Variants in DENND5B observed in about 807,000 individuals in gnomAD.
The protein encoded by DENND5B is DENN domain-containing protein 5B.
In DENND5B, 34 loss-of-function variants were observed where a neutral mutation model predicts 140.6. The observed-to-expected ratio is 0.24, with a 90% CI of 0.18 to 0.32. The LOEUF (loss-of-function observed/expected upper bound fraction) is 0.32, where lower values mean the gene tolerates loss of function less well. Among genes scored for constraint, DENND5B ranks in the 10% least tolerant of loss-of-function variants. The pLI is 1.00. For synonymous variants in DENND5B, 551 were observed against 562.1 expected (o/e 0.98, Z 0.28); for missense variants, 1,142 against 1,560.2 (o/e 0.73, Z 4.52).
intron 1 of DENND5B, among the ~76,000 whole-genome samples, chr12:31,517,609 T>C (rs767222458): frequency 1.1e-4 from 17 of 152,212 alleles, no homozygotes; most frequent in Non-Finnish European, 1.6e-4. Context: ...ATTTGGACGT[T>C]AGTCTGTAAA....
chr12:31,419,891 T>G, intron 11 of DENND5B: 2 of 443,526 alleles, frequency 4.5e-6, no homozygotes, highest in Non-Finnish European at 2.9e-6. Context: ...GAGAATCGCT[T>G]GAACCCAGGA....
Position 31,583,882 on chromosome 12 carries a change from T to C in DENND5B, c.127+6824A>G, listed in dbSNP as rs115110992. 4.0e-3 allele frequency among the ~76,000 whole-genome samples: 609 copies of C among 152,226 alleles called. 4 individuals are homozygous for C. Among genetic ancestry groups the C allele is most frequent in the African/African-American group, 0.014 (586 of 41,524 alleles). On this transcript the variant is annotated intron_variant, in intron 1 of 20. Transcript: ENST00000389082. ...TAACATTAAATAATCCAAAATATAA[T>C]AGCTAGTTATGGTTTTACCAAAAAC...
At position 31,434,859 on chromosome 12, in the gene DENND5B, A is replaced by G. The variant is rs976758769; in HGVS notation, c.2013-1611T>C. 5.3e-5 allele frequency among the ~76,000 whole-genome samples: 8 copies of G among 152,138 alleles called. No individual in the cohort carries two copies. The South Asian group carries it at 1.7e-3, about 32-fold the overall frequency. ...ATGGTCATCCAGAACTCCTCTCCAA[A>G]TCCAATGGTCATCCAGAACTCCTCT... On this transcript the variant is annotated intron_variant, in intron 7 of 20. Coordinates refer to ENST00000389082, the MANE Select transcript of DENND5B (RefSeq NM_144973.4).
At chr12:31,459,084 T>C (rs542399472) in intron 4 of DENND5B, among the ~76,000 whole-genome samples, 318 of 152,030 alleles carry the variant, frequency 2.1e-3, no homozygotes, top group Non-Finnish European at 3.7e-3. Flanking sequence ...TGGTGGTGCA[T>C]GCCTGTAATC....
At chr12:31,399,097 G>A (rs1223509610) in intron 16 of DENND5B, among the ~76,000 whole-genome samples, 12 of 134,298 alleles carry the variant, frequency 8.9e-5, no homozygotes, top group Non-Finnish European at 1.7e-4. Flanking sequence ...ACTCCAGCCT[G>A]GGCAACAAGA....
rs1950600416 is a variant in DENND5B at position 31,590,969 on chromosome 12, C to T, written c.-137G>A. On this transcript the variant is annotated 5_prime_UTR_variant, in exon 1 of 21. Coordinates refer to ENST00000389082, the MANE Select transcript of DENND5B (RefSeq NM_144973.4). Reference sequence around the variant, plus strand: ...GGCGCGCCCATGGCCGCGCAGCCGCCTCTCGCCGCCGCAGCCTGCCTCCTC... The same window carrying T: ...GGCGCGCCCATGGCCGCGCAGCCGCTTCTCGCCGCCGCAGCCTGCCTCCTC... 3 of 970,344 alleles carry T rather than the reference C, an allele frequency of 3.1e-6. No homozygotes were observed. The highest frequency in any genetic ancestry group is 3.8e-6 in the Non-Finnish European group (3 of 794,664). 60.1% of individuals were successfully genotyped at this position (970,344 alleles called of 1,614,324 possible).
At chr12:31,547,569 TG>T (rs1948904432) in intron 1 of DENND5B, among the ~76,000 whole-genome samples, 1 of 152,086 alleles carries the variant, frequency 6.6e-6, no homozygotes, top group African/African-American at 2.4e-5. Context: ...GGCTAATTTT[TG>T]TATTTTTAGT....
intron 20 of DENND5B, among the ~76,000 whole-genome samples, chr12:31,388,226 C>CTT (rs35891849): frequency 1.1e-4 from 10 of 91,466 alleles, no homozygotes; most frequent in African/African-American, 2.7e-4. Context: ...TAGGGACTTG[C>CTT]TTTTTTTTTT....
Position 31,466,125 on chromosome 12 carries a change from C to T in DENND5B, c.905-5744G>A, listed in dbSNP as rs148844644. ...CTGTAAGCACTTTGGGAGGCCAAGG[C>T]GGGCGGATCACAAGGTCAAGAGATC... On this transcript the variant is annotated intron_variant, in intron 3 of 20. Transcript: ENST00000389082. 2.4e-4 allele frequency among the ~76,000 whole-genome samples: 37 copies of T among 152,216 alleles called. No homozygotes were observed. The East Asian group carries it at 2.5e-3, about 10-fold the overall frequency.
rs1940743655 is a variant in DENND5B, at chr12:31,383,966, A to C, written c.*3637T>G. On this transcript the variant is annotated 3_prime_UTR_variant, in exon 21 of 21. Coordinates refer to ENST00000389082, the MANE Select transcript of DENND5B (RefSeq NM_144973.4). Reference sequence around the variant, plus strand: ...GCATTTAATTTATTTGCAGGAAAAAAACAAATTAAATATTGATTTTTTTAT... The same window carrying C: ...GCATTTAATTTATTTGCAGGAAAAACACAAATTAAATATTGATTTTTTTAT... 6.6e-6 allele frequency: 1 copy of C among 150,940 alleles called. No homozygotes were observed. The highest frequency in any genetic ancestry group is 1.5e-5 in the Non-Finnish European group (1 of 68,026). 9.4% of individuals were successfully genotyped at this position (150,940 alleles called of 1,614,324 possible). A position where few individuals can be genotyped will look rare whatever the true frequency, so the allele number is the denominator to read the frequency against.
At chr12:31,489,542 C>T (rs1237540569) in intron 2 of DENND5B, among the ~76,000 whole-genome samples, 1 of 152,144 alleles carries the variant, frequency 6.6e-6, no homozygotes, top group Non-Finnish European at 1.5e-5. Flanking sequence ...GGAGGTCACA[C>T]CTAGTCAAGG....
At chr12:31,576,677 G>A (rs1002806573) in intron 1 of DENND5B, among the ~76,000 whole-genome samples, 2 of 151,826 alleles carry the variant, frequency 1.3e-5, no homozygotes, top group Non-Finnish European at 2.9e-5. Context: ...GAAGTCAGGA[G>A]TTCGAGACCA....
intron 1 of DENND5B, among the ~76,000 whole-genome samples, chr12:31,587,526 C>CTTTTTTTTTTTTTTTTTTTTTT (rs71460995): frequency 1.3e-5 from 1 of 74,948 alleles, no homozygotes; most frequent in African/African-American, 4.8e-5. Context: ...CCACAAATAC[C>CTTTTTTTTTTTTTTTTTTTTTT]TTTTTTTTTT....
chr12:31,583,293 T>TAA (rs1200459160), intron 1 of DENND5B, among the ~76,000 whole-genome samples: 4 of 110,490 alleles, frequency 3.6e-5, no homozygotes, highest in Non-Finnish European at 7.3e-5. Context: ...CTCAGTCTTT[T>TAA]AAAAAAAAAA....
At chr12:31,431,937 G>T in intron 8 of DENND5B, 1 of 450,172 alleles carries the variant, frequency 2.2e-6, no homozygotes, top group Non-Finnish European at 2.9e-6. Flanking sequence ...AAGGTCATGT[G>T]AGGCATTCTA....
At chr12:31,467,978 G>T (rs924925486) in intron 3 of DENND5B, among the ~76,000 whole-genome samples, 6 of 152,196 alleles carry the variant, frequency 3.9e-5, no homozygotes, top group Admixed American at 6.5e-5. Flanking sequence ...AACTAGCCAG[G>T]TATGATGGCT....
intron 2 of DENND5B, among the ~76,000 whole-genome samples, chr12:31,488,345 G>T (rs1055023785): frequency 2.0e-5 from 3 of 152,076 alleles, no homozygotes; most frequent in Admixed American, 1.3e-4. Context: ...TCAACATAAA[G>T]ATTTAATTTA....
intron 7 of DENND5B, among the ~76,000 whole-genome samples, chr12:31,441,685 A>G (rs910099244): frequency 2.6e-5 from 4 of 151,842 alleles, no homozygotes; most frequent in Admixed American, 2.0e-4. Context: ...TTAATCCACA[A>G]TTCTTTTTAA....
At chr12:31,524,725 A>AG (rs919270926) in intron 1 of DENND5B, among the ~76,000 whole-genome samples, 3 of 151,730 alleles carry the variant, frequency 2.0e-5, no homozygotes, top group Non-Finnish European at 4.4e-5. Context: ...AAAAGAAAAA[A>AG]AAAGAAATTT....
Sources: allele counts gnomAD v4.1 joint callset (sites outside exome capture counted in the v4.1 genomes callset), GRCh38; gene constraint gnomAD v4.1.1; transcripts MANE v1.5; gene names NCBI Gene and HGNC (gene_info 2026-07-23, HGNC 2026-07-21).